The following PDE4D variants were observed in gnomAD, a reference collection of about 807,000 sequenced individuals.
PDE4D encodes 3',5'-cyclic-AMP phosphodiesterase 4D.
PDE4D carries 24 observed loss-of-function variants against 87.4 expected under a neutral mutation model. The observed-to-expected ratio is 0.27, with a 90% CI of 0.20 to 0.39. The LOEUF (loss-of-function observed/expected upper bound fraction) is 0.39, where lower values mean the gene tolerates loss of function less well. PDE4D is among the 10% of genes least tolerant of loss of function. The pLI is 1.00. For missense variants in PDE4D, 714 were observed against 1,041.0 expected, an observed-to-expected ratio of 0.69 and a Z score of 4.32; for synonymous variants, 384 against 383.2, an observed-to-expected ratio of 1.00 and a Z score of -0.02.
chr5:59,790,662 C>T (rs1765680399), intron 1 of PDE4D, among the ~76,000 whole-genome samples: 1 of 152,094 alleles, frequency 6.6e-6, no homozygotes, highest in African/African-American at 2.4e-5. Context: ...TCTCTTTGTC[C>T]TTATTTTTGA....
At chr5:59,661,891 T>C (rs1745307558) in intron 1 of PDE4D, among the ~76,000 whole-genome samples, 2 of 152,212 alleles carry the variant, frequency 1.3e-5, no homozygotes, top group African/African-American at 2.4e-5. Flanking sequence ...TTTATGAACA[T>C]TATATGCTAT....
intron 2 of PDE4D, among the ~76,000 whole-genome samples, chr5:59,193,924 C>G (rs1048978893): frequency 1.3e-5 from 2 of 152,168 alleles, no homozygotes; most frequent in African/African-American, 4.8e-5. Context: ...AGTGAGAGAA[C>G]CCTTGACCAT....
intron 1 of PDE4D, among the ~76,000 whole-genome samples, chr5:60,349,357 G>C (rs1172153356): frequency 6.6e-6 from 1 of 152,138 alleles, no homozygotes; most frequent in Non-Finnish European, 1.5e-5. Flanking sequence ...AATAAAAACA[G>C]ATCTTACAAT....
chr5:60,203,529 A>T (rs1032818461), intron 1 of PDE4D, among the ~76,000 whole-genome samples: 1 of 152,250 alleles, frequency 6.6e-6, no homozygotes, highest in Non-Finnish European at 1.5e-5. Flanking sequence ...TACTGGAATT[A>T]TGGGTGGCTT....
intron 2 of PDE4D, among the ~76,000 whole-genome samples, chr5:60,165,395 G>C (rs533755947): frequency 6.6e-6 from 1 of 152,048 alleles, no homozygotes; most frequent in African/African-American, 2.4e-5. Flanking sequence ...CTGATATCAC[G>C]CTGCTTAGGC....
At chr5:60,393,376 T>C (rs998631878) in intron 1 of PDE4D, among the ~76,000 whole-genome samples, 7 of 152,174 alleles carry the variant, frequency 4.6e-5, no homozygotes, top group South Asian at 2.1e-4. Flanking sequence ...ACTTGAGGTG[T>C]GACAGTAAGG....
intron 1 of PDE4D, among the ~76,000 whole-genome samples, chr5:59,510,049 T>C (rs952565230): frequency 6.7e-6 from 1 of 150,304 alleles, no homozygotes; most frequent in Non-Finnish European, 1.5e-5. Context: ...CAAATATCTC[T>C]TCTGTTAAAG....
At chr5:59,012,722 C>T (rs1248700234) in intron 6 of PDE4D, among the ~76,000 whole-genome samples, 4 of 152,200 alleles carry the variant, frequency 2.6e-5, no homozygotes, top group Admixed American at 2.6e-4. Context: ...TAACACCCCA[C>T]TGTCAACATT....
At chr5:59,893,744 T>G, upstream of PDE4D, 2 of 1,362,178 alleles carry the variant, frequency 1.5e-6, no homozygotes, top group Non-Finnish European at 9.4e-7. Context: ...CAGAGGCTGG[T>G]GCTTAGCTTC....
chr5:59,838,400 G>A (rs1742478629), intron 1 of PDE4D, among the ~76,000 whole-genome samples: 1 of 152,070 alleles, frequency 6.6e-6, no homozygotes, highest in Admixed American at 6.6e-5. Flanking sequence ...CGGATCTCCA[G>A]TCCAGGGGTG....
At chr5:59,200,009 A>G (rs1281363716) in intron 2 of PDE4D, among the ~76,000 whole-genome samples, 2 of 122,196 alleles carry the variant, frequency 1.6e-5, no homozygotes, top group Non-Finnish European at 3.8e-5. Flanking sequence ...CATGCAACAT[A>G]CATACATGCA....
chr5:59,739,660 G>A (rs763002205), intron 1 of PDE4D, among the ~76,000 whole-genome samples: 4 of 152,100 alleles, frequency 2.6e-5, no homozygotes, highest in Non-Finnish European at 5.9e-5. Context: ...AGTGTAATAC[G>A]CTACAAGCAC....
chr5:59,998,359 T>C (rs1390237050), intron 2 of PDE4D, among the ~76,000 whole-genome samples: 2 of 152,120 alleles, frequency 1.3e-5, no homozygotes, highest in African/African-American at 4.8e-5. Context: ...TGAAAAATAA[T>C]TGAAAATAAG....
intron 1 of PDE4D, among the ~76,000 whole-genome samples, chr5:60,233,999 T>G (rs545731268): frequency 1.3e-5 from 2 of 151,994 alleles, no homozygotes; most frequent in Non-Finnish European, 2.9e-5. Context: ...ACATACCATT[T>G]GAAGTGTACA....
chr5:59,608,258 T>A (rs753915092), intron 1 of PDE4D, among the ~76,000 whole-genome samples: 10 of 152,136 alleles, frequency 6.6e-5, no homozygotes, highest in Non-Finnish European at 1.0e-4. Flanking sequence ...TTCTGCCACT[T>A]TGCCTCTATT....
chr5:60,068,418 T>TTATG (rs1772342081), intron 2 of PDE4D, among the ~76,000 whole-genome samples: 1 of 72,394 alleles, frequency 1.4e-5, no homozygotes, highest in Non-Finnish European at 3.1e-5. Context: ...TTAAATCAGG[T>TTATG]TATTTATTTA....
At chr5:59,342,399 T>C (rs1300985428) in intron 1 of PDE4D, among the ~76,000 whole-genome samples, 1 of 152,194 alleles carries the variant, frequency 6.6e-6, no homozygotes. Context: ...TTGATGTTGA[T>C]ATTTTGTGGT....
At chr5:59,765,040 C>T (rs780812458) in intron 1 of PDE4D, among the ~76,000 whole-genome samples, 1 of 152,118 alleles carries the variant, frequency 6.6e-6, no homozygotes, top group Non-Finnish European at 1.5e-5. Context: ...AAGCTTCCAC[C>T]ATTGACCAGC....
At chr5:59,075,075 A>C (rs576115858) in intron 5 of PDE4D, among the ~76,000 whole-genome samples, 1 of 129,798 alleles carries the variant, frequency 7.7e-6, no homozygotes, top group Non-Finnish European at 1.6e-5. Flanking sequence ...AAGCTTACAA[A>C]ACACACACAC....
Sources: gnomAD v4.1 joint callset for allele counts (sites outside exome capture counted in the v4.1 genomes callset) on GRCh38, gnomAD v4.1.1 for gene constraint, MANE v1.5 for transcripts, NCBI Gene and HGNC (gene_info 2026-07-23, HGNC 2026-07-21) for gene names.